Variants in PARVG observed in about 807,000 individuals in gnomAD.
PARVG encodes gamma-parvin.
PARVG carries 36 observed loss-of-function variants against 44.4 expected under a neutral mutation model. That is an observed-to-expected ratio of 0.81 (90% CI 0.62 to 1.07). PARVG has a LOEUF of 1.07. PARVG is among the 50% of genes least tolerant of loss of function. The pLI is 0.00. For missense variants in PARVG, 407 were observed against 407.4 expected, an observed-to-expected ratio of 1.00 and a Z score of 0.01; for synonymous variants, 170 against 174.1, an observed-to-expected ratio of 0.98 and a Z score of 0.19.
chr22:44,196,125 A>G (rs757557309), intron 9 of PARVG, 30 bp from the exon 10 acceptor site: 6 of 1,613,390 alleles, frequency 3.7e-6, no homozygotes, highest in Non-Finnish European at 5.1e-6. Context: ...TAGCATCGTA[A>G]TGAGGTGTTT....
intron 4 of PARVG, chr22:44,186,535 A>G (rs537791664): frequency 2.3e-5 from 11 of 470,524 alleles, no homozygotes; most frequent in South Asian, 1.5e-4. Context: ...CCTCCTTCCT[A>G]TTCCCTCACT....
chr22:44,181,356 C>T (rs772899795), intron 1 of PARVG, 171 bp downstream of exon 1: 190 of 985,324 alleles, frequency 1.9e-4, no homozygotes, highest in Non-Finnish European at 2.2e-4. Context: ...GGGAAGTCTG[C>T]AGCCGAGAGT....
intron 3 of PARVG, 93 bp downstream of exon 3, chr22:44,183,501 C>A: frequency 7.8e-7 from 1 of 1,275,360 alleles, no homozygotes; most frequent in Non-Finnish European, 1.1e-6. Flanking sequence ...ACCTTCCCAG[C>A]TGTCAGCTGA....
At chr22:44,186,592 C>A (rs748989554) in intron 4 of PARVG, 1 of 471,236 alleles carries the variant, frequency 2.1e-6, no homozygotes, top group South Asian at 1.5e-5. Flanking sequence ...CTGGCCCAGC[C>A]CTGTGACTGG....
At chr22:44,174,500 A>G (rs2147209836) in intron 1 of PARVG, among the ~76,000 whole-genome samples, 1 of 151,936 alleles carries the variant, frequency 6.6e-6, no homozygotes, top group Admixed American at 6.6e-5. Context: ...TGAGGCTAGG[A>G]GTTCAAGACC....
chr22:44,175,566 G>T (rs979465929), intron 1 of PARVG, among the ~76,000 whole-genome samples: 3 of 152,246 alleles, frequency 2.0e-5, no homozygotes, highest in South Asian at 4.1e-4. Flanking sequence ...TCACCAGGGT[G>T]AGGCTTTGCC....
chr22:44,196,031 G>A (rs2054612278), intron 9 of PARVG, 124 bp from the exon 10 acceptor site: 1 of 982,506 alleles, frequency 1.0e-6, no homozygotes, highest in Non-Finnish European at 1.6e-6. Flanking sequence ...TGAGAACCAT[G>A]ATGTAAAACG....
At chr22:44,196,098 G>T (rs1271223056) in intron 9 of PARVG, 57 bp from the exon 10 acceptor site, 1 of 1,601,876 alleles carries the variant, frequency 6.2e-7, no homozygotes, top group Middle Eastern at 1.7e-4. Context: ...AAAATTCCCT[G>T]TTTGGCACAA....
chr22:44,200,187 A>G (rs535445980), intron 12 of PARVG, among the ~76,000 whole-genome samples: 7 of 152,254 alleles, frequency 4.6e-5, no homozygotes, highest in East Asian at 3.9e-4. Context: ...TTCCCTTCCC[A>G]GGAGCACCCT....
intron 6 of PARVG, among the ~76,000 whole-genome samples, chr22:44,189,570 A>G (rs1401831115): frequency 2.6e-5 from 4 of 152,036 alleles, no homozygotes; most frequent in African/African-American, 9.7e-5. Flanking sequence ...GCCCATCCAC[A>G]CTCTCATTTC....
intron 4 of PARVG, 146 bp from the exon 5 acceptor site, chr22:44,187,630 G>A: frequency 2.7e-6 from 2 of 731,072 alleles, no homozygotes; most frequent in South Asian, 3.3e-5. Context: ...GGGAGATCAA[G>A]GAGGGCTTCC....
At position 44,206,320 on chromosome 22, in the gene PARVG, T is replaced by C. The variant is rs1231831378; in HGVS notation, c.890T>C (p.Ile297Thr). Residue 297 changes from isoleucine to threonine, a missense_variant, in exon 14 of 14, where the codon ATC becomes ACC. By Grantham distance (89) the Ile-to-Thr change is moderately conservative. Transcript: ENST00000444313. ...CCTGCCCTCCTTTGGCCCGCAGATA[T>C]CGTGAACAAGGATGCCAAGAGCACA... ...LLSCPVSPED[I>T]VNKDAKSTLR... is the part of the protein sequence containing the mutation. The C allele has an allele frequency of 6.2e-7, 1 of 1,612,980 alleles. No individual in the cohort carries two copies. The highest frequency in any genetic ancestry group is 8.5e-7 in the Non-Finnish European group (1 of 1,179,292).
chr22:44,202,599 C>A (rs940422389), intron 12 of PARVG, among the ~76,000 whole-genome samples: 1 of 152,260 alleles, frequency 6.6e-6, no homozygotes, highest in Non-Finnish European at 1.5e-5. Context: ...TTAGCTCAGA[C>A]TCCAAGAATG....
chr22:44,191,221 G>A (rs935268825), intron 7 of PARVG, among the ~76,000 whole-genome samples: 1 of 151,920 alleles, frequency 6.6e-6, no homozygotes, highest in Non-Finnish European at 1.5e-5. Flanking sequence ...GACAGACTCT[G>A]AGCATCACAA....
At chr22:44,185,760 G>C in intron 3 of PARVG, 48 bp from the exon 4 acceptor site, 1 of 1,534,528 alleles carries the variant, frequency 6.5e-7, no homozygotes, top group Non-Finnish European at 9.0e-7. Flanking sequence ...GTGTGGCCAA[G>C]CGCCCCACAG....
chr22:44,178,235 T>G (rs577767832), upstream of PARVG, among the ~76,000 whole-genome samples: 20 of 152,256 alleles, frequency 1.3e-4, no homozygotes, highest in South Asian at 4.1e-3. Context: ...TTTCTGTGAG[T>G]TTGAAACTAT....
intron 3 of PARVG, chr22:44,184,177 CG>C (rs1432783731): frequency 6.6e-6 from 1 of 152,386 alleles, no homozygotes; most frequent in Non-Finnish European, 1.5e-5. Flanking sequence ...AAGGAAGCAG[CG>C]AGATGTCCCA....
intron 3 of PARVG, chr22:44,183,643 A>G (rs763433031): frequency 2.0e-6 from 1 of 488,726 alleles, no homozygotes; most frequent in African/African-American, 2.0e-5. Context: ...GATGGTGAAT[A>G]CTGATTGCTC....
At chr22:44,185,169 A>G (rs1003330106) in intron 3 of PARVG, 1 of 152,432 alleles carries the variant, frequency 6.6e-6, no homozygotes, top group African/African-American at 2.4e-5. Flanking sequence ...CAGAATACCT[A>G]GGAAAAGCCT....
Sources: gnomAD v4.1 joint callset for allele counts (sites outside exome capture counted in the v4.1 genomes callset) on GRCh38, gnomAD v4.1.1 for gene constraint, MANE v1.5 for transcripts, NCBI Gene and HGNC (gene_info 2026-07-23, HGNC 2026-07-21) for gene names.